The following MED13 variants were observed in gnomAD, a reference collection of about 807,000 sequenced individuals.
The protein encoded by MED13 is mediator complex subunit 13.
A neutral mutation model predicts 225.2 loss-of-function variants in MED13; 23 were observed. That is an observed-to-expected ratio of 0.10 (90% CI 0.07 to 0.14). The LOEUF is 0.14. MED13 is among the 10% of genes least tolerant of loss of function. The pLI is 1.00. For synonymous variants in MED13, 942 were observed against 889.2 expected, an observed-to-expected ratio of 1.06 and a Z score of -1.06; for missense variants, 2,197 against 2,594.5, an observed-to-expected ratio of 0.85 and a Z score of 3.33.
intron 2 of MED13, among the ~76,000 whole-genome samples, chr17:62,061,182 C>T (rs894330047): frequency 2.6e-5 from 4 of 152,096 alleles, no homozygotes. Context: ...CAGCTCACAT[C>T]TAACTTTAAT....
intron 16 of MED13, among the ~76,000 whole-genome samples, chr17:61,976,268 G>A (rs985250268): frequency 4.6e-5 from 7 of 152,130 alleles, no homozygotes; most frequent in Non-Finnish European, 1.5e-5. Context: ...GATGAACCTT[G>A]AAAACATTAT....
At chr17:61,987,387 T>A (rs189244921) in intron 11 of MED13, among the ~76,000 whole-genome samples, 1 of 151,924 alleles carries the variant, frequency 6.6e-6, no homozygotes, top group Admixed American at 6.6e-5. Context: ...TGAGCCGAGA[T>A]AGCACCATTG....
At chr17:62,035,083 T>C (rs1373720606) in intron 4 of MED13, among the ~76,000 whole-genome samples, 1 of 152,088 alleles carries the variant, frequency 6.6e-6, no homozygotes, top group Non-Finnish European at 1.5e-5. Flanking sequence ...ATCATGCCAC[T>C]GCACACCAGC....
At position 62,010,869 on chromosome 17, in the gene MED13, T is replaced by C. The variant is rs1456779390; in HGVS notation, c.1648A>G (p.Lys550Glu). ...TGACTCTGAGGAGTTGAAGGTGTTT[T>C]AGTCACTCCTTCATCAACCACATCA... ...PCDVVDEGVT[K>E]TPSTPQSQHF... The change falls in exon 9 of 30, where the codon AAA (lysine) becomes GAA (glutamate). Residue 550 changes from lysine (K) to glutamate (E), a missense_variant. Physicochemically the swap from Lys to Glu is moderately conservative, Grantham distance 56. Around this residue, in one of 12 missense-constraint regions of MED13, gnomAD observed 884 missense variants for 918.5 expected, o/e 0.96. Coordinates refer to ENST00000397786, the MANE Select transcript of MED13 (RefSeq NM_005121.3). The C allele has an allele frequency of 2.5e-6, 4 of 1,614,122 alleles. No individual in the cohort carries two copies. The highest frequency in any genetic ancestry group is 3.4e-6 in the Non-Finnish European group (4 of 1,180,044).
intron 11 of MED13, among the ~76,000 whole-genome samples, chr17:61,991,443 G>A (rs375886965): frequency 6.6e-6 from 1 of 151,862 alleles, no homozygotes; most frequent in East Asian, 2.0e-4. Flanking sequence ...GGGTTCATGC[G>A]ATTCTGCTGC....
intron 2 of MED13, among the ~76,000 whole-genome samples, chr17:62,062,587 ACACACACACACAC>A (rs1469801453): frequency 1.2e-4 from 9 of 75,216 alleles, no homozygotes; most frequent in African/African-American, 6.6e-4. Flanking sequence ...AAACACACAC[ACACACACACACAC>A]CACACACACA....
intron 2 of MED13, among the ~76,000 whole-genome samples, chr17:62,055,298 G>A (rs944602124): frequency 1.3e-5 from 2 of 151,968 alleles, no homozygotes; most frequent in Non-Finnish European, 2.9e-5. Flanking sequence ...GCTGAGGCAT[G>A]AGAATCACCT....
intron 11 of MED13, among the ~76,000 whole-genome samples, chr17:61,990,627 G>GTGTATATATATATATATATATA (rs906431943): frequency 1.4e-4 from 19 of 138,996 alleles, no homozygotes; most frequent in Admixed American, 1.4e-4. Flanking sequence ...GGCGCACTGT[G>GTGTATATATATATATATATATA]TATATATATA....
intron 9 of MED13, among the ~76,000 whole-genome samples, chr17:61,999,756 TAA>T (rs1378787662): frequency 6.6e-6 from 1 of 152,130 alleles, no homozygotes; most frequent in African/African-American, 2.4e-5. Context: ...CTGAAACTGC[TAA>T]TCAGAAAAAT....
chr17:61,982,661 T>C lies in MED13; in HGVS notation c.3342A>G (p.Pro1114=), dbSNP rs757071052. ...GADVGVYIPD[P]TQEAQYRCTC... is the part of the protein sequence containing the mutation. The stretch of plus-strand genomic sequence containing the variant: ...TACACCTATATTGTGCTTCCTGCGT[T>C]GGATCTGGAATGTAAACTCCAACAT... The change falls in exon 16 of 30, where the codon CCA becomes CCG. Residue 1114 remains proline, a synonymous_variant. Coordinates refer to ENST00000397786, the MANE Select transcript of MED13 (RefSeq NM_005121.3). The C allele has an allele frequency of 1.9e-6, 3 of 1,614,210 alleles. No homozygotes were observed. The highest frequency in any genetic ancestry group is 1.7e-5 in the Admixed American group (1 of 60,026).
chr17:61,964,879 T>C (rs1366462100), intron 20 of MED13, 127 bp downstream of exon 20: 1 of 841,852 alleles, frequency 1.2e-6, no homozygotes, highest in African/African-American at 1.7e-5. Context: ...GAGGTTGCAG[T>C]GAGTGCAGAT....
intron 2 of MED13, among the ~76,000 whole-genome samples, chr17:62,060,397 C>G (rs1034654051): frequency 6.6e-6 from 1 of 152,016 alleles, no homozygotes; most frequent in Non-Finnish European, 1.5e-5. Flanking sequence ...CCAAGGCTGG[C>G]GGATCACAAG....
In MED13 at chr17:62,042,435, G is replaced by A. The variant is rs868079270; in HGVS notation, c.471-6827C>T. Among the ~76,000 whole-genome samples, 7 of 150,976 alleles carry A rather than the reference G, an allele frequency of 4.6e-5. No homozygotes were observed. In the East Asian group the frequency reaches 1.2e-3, roughly 26 times the overall value. On this transcript the variant is annotated intron_variant, in intron 3 of 29. Transcript: ENST00000397786. ...AAATTAGCTGGGCATGGTGGCACACGCCTGTAGTCCCAGCTACTCGGGAGG... is the reference window on the plus strand; with the variant it reads ...AAATTAGCTGGGCATGGTGGCACACACCTGTAGTCCCAGCTACTCGGGAGG...
chr17:61,988,121 A>C (rs1372116783), intron 11 of MED13, among the ~76,000 whole-genome samples: 2 of 152,132 alleles, frequency 1.3e-5, no homozygotes, highest in Non-Finnish European at 2.9e-5. Flanking sequence ...GACAGACTTT[A>C]ATCTGAATCC....
At chr17:62,017,017 T>C (rs1486809766) in intron 8 of MED13, among the ~76,000 whole-genome samples, 1 of 150,100 alleles carries the variant, frequency 6.7e-6, no homozygotes, top group Non-Finnish European at 1.5e-5. Flanking sequence ...CCTCAAAAAA[T>C]ATATAATAAT....
rs2080540810 is a variant in MED13 at position 62,014,308 on chromosome 17, TTTTA to T, written c.1284-3079_1284-3076del. On this transcript the variant is annotated intron_variant, in intron 8 of 29. Transcript: ENST00000397786. Reference sequence around the variant, plus strand: ...TGATGATGGGAAGTTCTGTATATGTTTTTATATATATATATATATATATTTTGAG... The same window carrying T: ...TGATGATGGGAAGTTCTGTATATGTTTATATATATATATATATATTTTGAG... Among the ~76,000 whole-genome samples the T allele has an allele frequency of 4.3e-5, 5 of 116,096 alleles. 1 individual carries two copies. Among genetic ancestry groups the T allele is most frequent in the African/African-American group, 2.7e-4 (5 of 18,506 alleles). The allele number at this position is 116,096 out of a possible 152,430, so 76.2% of individuals were successfully genotyped here.
intron 3 of MED13, among the ~76,000 whole-genome samples, chr17:62,046,121 T>C (rs1315722968): frequency 6.6e-6 from 1 of 152,214 alleles, no homozygotes; most frequent in African/African-American, 2.4e-5. Flanking sequence ...ATATAATACT[T>C]ATGTTTCAGA....
At chr17:62,055,114 G>A (rs1052462480) in intron 2 of MED13, among the ~76,000 whole-genome samples, 8 of 152,234 alleles carry the variant, frequency 5.3e-5, no homozygotes, top group Non-Finnish European at 1.0e-4. Flanking sequence ...GGAGGCTGAG[G>A]CCAGGTGTGG....
intron 8 of MED13, among the ~76,000 whole-genome samples, chr17:62,022,173 AAATAT>A (rs1037462086): frequency 8.4e-5 from 9 of 107,194 alleles, no homozygotes; most frequent in African/African-American, 4.0e-4. Flanking sequence ...CTCAAAAAAA[AAATAT>A]ATATATATAT....
Sources: allele counts gnomAD v4.1 joint callset (sites outside exome capture counted in the v4.1 genomes callset), GRCh38; gene constraint gnomAD v4.1.1; regional missense constraint gnomAD v4.1.1; transcripts MANE v1.5; gene names NCBI Gene and HGNC (gene_info 2026-07-23, HGNC 2026-07-21).